Variants in NRG3 observed in about 807,000 individuals in gnomAD.
NRG3 encodes the protein pro-neuregulin-3, membrane-bound isoform.
Under a neutral mutation model 66.9 loss-of-function variants are expected in NRG3, and 31 were observed. The ratio of observed to expected loss-of-function variants is 0.46; its 90% CI spans 0.35 to 0.63. The LOEUF (loss-of-function observed/expected upper bound fraction) is 0.63, where lower values mean the gene tolerates loss of function less well. Ranked by LOEUF, NRG3 falls within the 20% of genes least tolerant of loss-of-function variation. The pLI is 0.00. For synonymous variants in NRG3, 393 were observed against 359.4 expected (o/e 1.09, Z -1.06); for missense variants, 910 against 878.9 (o/e 1.04, Z -0.45).
chr10:82,023,121 C>A (rs908667472), intron 1 of NRG3, among the ~76,000 whole-genome samples: 2 of 151,132 alleles, frequency 1.3e-5, no homozygotes, highest in Non-Finnish European at 3.0e-5. Context: ...TTTTGTTATC[C>A]CTTATAAATG....
intron 2 of NRG3, among the ~76,000 whole-genome samples, chr10:82,537,791 T>C (rs976064853): frequency 6.6e-6 from 1 of 152,180 alleles, no homozygotes; most frequent in African/African-American, 2.4e-5. Flanking sequence ...ATTTACCACT[T>C]GACCTCAGTT....
chr10:82,303,264 C>A (rs1398054618), intron 1 of NRG3, among the ~76,000 whole-genome samples: 2 of 152,004 alleles, frequency 1.3e-5, no homozygotes, highest in Non-Finnish European at 2.9e-5. Context: ...CATTACACCT[C>A]TTAATTTGAA....
At chr10:82,730,513 A>G (rs941604101) in intron 2 of NRG3, among the ~76,000 whole-genome samples, 123 of 152,360 alleles carry the variant, frequency 8.1e-4, no homozygotes, top group African/African-American at 2.9e-3. Flanking sequence ...AACACATTGG[A>G]AAACCTTCAA....
At chr10:82,517,769 G>A (rs1845828700) in intron 2 of NRG3, among the ~76,000 whole-genome samples, 2 of 151,836 alleles carry the variant, frequency 1.3e-5, no homozygotes, top group African/African-American at 4.8e-5. Context: ...GAGATGTAGA[G>A]GTAGCAAGCC....
intron 4 of NRG3, among the ~76,000 whole-genome samples, chr10:82,879,308 T>C (rs1307918614): frequency 3.9e-5 from 6 of 152,194 alleles, no homozygotes; most frequent in Non-Finnish European, 8.8e-5. Context: ...TCTTAACTCT[T>C]AAGTTGCTTA....
chr10:82,332,055 C>T (rs999891245), intron 1 of NRG3, among the ~76,000 whole-genome samples: 5 of 152,100 alleles, frequency 3.3e-5, no homozygotes, highest in African/African-American at 4.8e-5. Flanking sequence ...TTGGATTTAT[C>T]GGAACCATGG....
At chr10:82,715,615 A>T (rs1005197865) in intron 2 of NRG3, among the ~76,000 whole-genome samples, 29 of 152,184 alleles carry the variant, frequency 1.9e-4, no homozygotes, top group African/African-American at 6.8e-4. Flanking sequence ...AATATATATA[A>T]AATGTGTATC....
At chr10:82,797,787 A>G (rs36016855) in intron 3 of NRG3, among the ~76,000 whole-genome samples, 21,567 of 152,070 alleles carry the variant, frequency 0.14, 1,534 homozygotes, top group South Asian at 0.22. Flanking sequence ...GTTGTCTTCT[A>G]GGGGAGTTTA....
chr10:82,577,341 T>C (rs1007450172), intron 2 of NRG3, among the ~76,000 whole-genome samples: 2 of 151,744 alleles, frequency 1.3e-5, no homozygotes, highest in Non-Finnish European at 2.9e-5. Context: ...TGTGTTTCAA[T>C]TGAATTAAAT....
intron 2 of NRG3, among the ~76,000 whole-genome samples, chr10:82,668,116 C>G (rs1318680430): frequency 1.3e-5 from 2 of 152,120 alleles, no homozygotes; most frequent in African/African-American, 2.4e-5. Context: ...CTTCCCTCTT[C>G]TTCTCTGCCC....
intron 2 of NRG3, among the ~76,000 whole-genome samples, chr10:82,737,911 C>T (rs342361): frequency 0.59 from 89,881 of 151,884 alleles, 26,937 homozygotes; most frequent in Admixed American, 0.62. Context: ...TTGTACAATG[C>T]CTGGCAGAAA....
At chr10:82,815,109 A>T (rs1395569775) in intron 3 of NRG3, among the ~76,000 whole-genome samples, 2 of 152,230 alleles carry the variant, frequency 1.3e-5, no homozygotes, top group Non-Finnish European at 2.9e-5. Flanking sequence ...TCCAAAACCC[A>T]TGTTAGTAAG....
intron 2 of NRG3, among the ~76,000 whole-genome samples, chr10:82,706,378 G>A (rs1215243427): frequency 5.3e-5 from 8 of 152,072 alleles, no homozygotes; most frequent in African/African-American, 1.9e-4. Context: ...GCCCTCCTTG[G>A]TTAAGTCTCC....
At chr10:82,200,016 G>A (rs566429343) in intron 1 of NRG3, among the ~76,000 whole-genome samples, 307 of 151,712 alleles carry the variant, frequency 2.0e-3, no homozygotes, top group African/African-American at 7.1e-3. Flanking sequence ...ATCCTTATCC[G>A]AAAAATGTAC....
At chr10:82,412,338 T>C (rs72829304) in intron 2 of NRG3, among the ~76,000 whole-genome samples, 20,423 of 152,164 alleles carry the variant, frequency 0.13, 1,637 homozygotes, top group East Asian at 0.3. Flanking sequence ...TGACTAGAAA[T>C]GTTTGTTTTC....
At chr10:82,317,049 A>C (rs529148190) in intron 1 of NRG3, among the ~76,000 whole-genome samples, 3 of 152,302 alleles carry the variant, frequency 2.0e-5, no homozygotes, top group South Asian at 2.1e-4. Context: ...GCCAGCTCCC[A>C]AAATTGGAAG....
At chr10:82,034,750 C>T (rs898243590) in intron 1 of NRG3, among the ~76,000 whole-genome samples, 2 of 151,840 alleles carry the variant, frequency 1.3e-5, no homozygotes, top group South Asian at 2.1e-4. Flanking sequence ...AGCTTAAAAC[C>T]CACCCGTTCC....
chr10:82,287,199 T>A (rs2079466354), intron 1 of NRG3, among the ~76,000 whole-genome samples: 1 of 152,002 alleles, frequency 6.6e-6, no homozygotes, highest in African/African-American at 2.4e-5. Flanking sequence ...AGGTCCCTCA[T>A]GGCTTGGTTC....
intron 1 of NRG3, among the ~76,000 whole-genome samples, chr10:82,049,313 C>G (rs1039747394): frequency 6.6e-6 from 1 of 152,066 alleles, no homozygotes; most frequent in African/African-American, 2.4e-5. Flanking sequence ...GACCCTTCAT[C>G]ATTTTCACCT....
Sources: allele counts gnomAD v4.1 joint callset (sites outside exome capture counted in the v4.1 genomes callset), GRCh38; gene constraint gnomAD v4.1.1; transcripts MANE v1.5; gene names NCBI Gene and HGNC (gene_info 2026-07-23, HGNC 2026-07-21).